The following NEIL2 variants were observed in gnomAD, a reference collection of about 807,000 sequenced individuals.
NEIL2 encodes the protein endonuclease 8-like 2.
Under a neutral mutation model 22.2 loss-of-function variants are expected in NEIL2, and 23 were observed. The observed-to-expected ratio is 1.04, with a 90% CI of 0.75 to 1.47. The LOEUF is 1.47. Among genes scored for constraint, NEIL2 ranks in the 40% most tolerant of loss-of-function variants. NEIL2 has a pLI of 0.00. For synonymous variants in NEIL2, 229 were observed against 164.8 expected (o/e 1.39, Z -2.99); for missense variants, 583 against 404.7 (o/e 1.44, Z -3.78).
At chr8:11,781,438 G>C (rs1393268588) in intron 3 of NEIL2, among the ~76,000 whole-genome samples, 2 of 152,170 alleles carry the variant, frequency 1.3e-5, no homozygotes, top group Non-Finnish European at 2.9e-5. Flanking sequence ...TCCAGAAGAA[G>C]AGCAGATCAT....
Position 11,783,247 on chromosome 8 carries a change from A to T in NEIL2, c.536A>T (p.Asn179Ile), listed in dbSNP as rs1436221872. The change falls in exon 4 of 5, where the codon AAT becomes ATT. Residue 179 changes from asparagine (N) to isoleucine (I), a missense_variant. Coordinates refer to ENST00000284503, the MANE Select transcript of NEIL2 (RefSeq NM_145043.4). ...FGGGGFLAFY[N>I]CQLSWSSSPV... ...GGTGGTGGCTTCCTGGCATTTTATAATTGTCAGTTGTCTTGGAGCTCTTCC... is the reference window on the plus strand; with the variant it reads ...GGTGGTGGCTTCCTGGCATTTTATATTTGTCAGTTGTCTTGGAGCTCTTCC... 5 of 1,614,044 alleles carry T rather than the reference A, an allele frequency of 3.1e-6. No individual in the cohort carries two copies. In the Admixed American group the frequency reaches 5.0e-5, roughly 16 times the overall value.
chr8:11,773,170 G>T (rs766818926), intron 2 of NEIL2, among the ~76,000 whole-genome samples: 1 of 152,136 alleles, frequency 6.6e-6, no homozygotes, highest in Non-Finnish European at 1.5e-5. Context: ...CTTGTCTCTG[G>T]ATCCCCAGCA....
At chr8:11,771,271 G>C (rs996868155) in intron 1 of NEIL2, among the ~76,000 whole-genome samples, 175 bp from the exon 2 acceptor site, 1 of 152,212 alleles carries the variant, frequency 6.6e-6, no homozygotes, top group Non-Finnish European at 1.5e-5. Context: ...CCCTGCCACA[G>C]CTGCTCTTCT....
intron 2 of NEIL2, among the ~76,000 whole-genome samples, chr8:11,774,271 A>G (rs8191560): frequency 0.056 from 8,518 of 152,186 alleles, 334 homozygotes; most frequent in Non-Finnish European, 0.079. Flanking sequence ...GCTACTTGGG[A>G]GGCTGAGGCA....
intron 4 of NEIL2, among the ~76,000 whole-genome samples, chr8:11,785,529 T>C (rs150585964): frequency 6.6e-6 from 1 of 152,200 alleles, no homozygotes; most frequent in Admixed American, 6.5e-5. Flanking sequence ...TATTGAGTAC[T>C]CTACATACCA....
chr8:11,779,500 G>A, intron 2 of NEIL2, 98 bp from the exon 3 acceptor site: 1 of 990,122 alleles, frequency 1.0e-6, no homozygotes, highest in Non-Finnish European at 1.6e-6. Context: ...CCCCCAGGAG[G>A]GGTGAGAAGG....
chr8:11,780,050 C>T (rs1804278096), intron 3 of NEIL2, 100 bp downstream of exon 3: 1 of 1,002,560 alleles, frequency 1.0e-6, no homozygotes, highest in Non-Finnish European at 1.5e-6. Flanking sequence ...TGAGGACGTC[C>T]AGTCTGCCCC....
In NEIL2 at chr8:11,779,951, G is replaced by A; in HGVS notation, c.491+1G>A. ...GGGACTGGAGGGACCCTTCCCCGAG[G>A]TAATGGTGTGGCCATCTGATTTTCG... On this transcript the variant is annotated splice_donor_variant, in intron 3 of 4. Transcript: ENST00000284503. LOFTEE classifies it high-confidence loss of function. 3 of 1,612,500 alleles carry A rather than the reference G, an allele frequency of 1.9e-6. No homozygotes were observed. The highest frequency in any genetic ancestry group is 1.3e-5 in the African/African-American group (1 of 74,968).
chr8:11,781,590 G>T (rs985184064), intron 3 of NEIL2, among the ~76,000 whole-genome samples: 1 of 152,132 alleles, frequency 6.6e-6, no homozygotes, highest in Non-Finnish European at 1.5e-5. Flanking sequence ...TCACCCCTAG[G>T]TTTTCAGATA....
chr8:11,770,639 C>T (rs1028784633), intron 1 of NEIL2, among the ~76,000 whole-genome samples: 2 of 152,206 alleles, frequency 1.3e-5, no homozygotes, highest in African/African-American at 2.4e-5. Flanking sequence ...TATAGAGAGG[C>T]TGGTGCAGGA....
At chr8:11,781,590 G>C (rs985184064) in intron 3 of NEIL2, among the ~76,000 whole-genome samples, 2 of 152,132 alleles carry the variant, frequency 1.3e-5, no homozygotes, top group East Asian at 1.9e-4. Flanking sequence ...TCACCCCTAG[G>C]TTTTCAGATA....
intron 2 of NEIL2, among the ~76,000 whole-genome samples, chr8:11,776,793 C>G (rs8191590): frequency 0.038 from 5,833 of 152,228 alleles, 364 homozygotes; most frequent in African/African-American, 0.13. Context: ...TCTGCTGCAG[C>G]AGGGGTCTCT....
intron 4 of NEIL2, among the ~76,000 whole-genome samples, chr8:11,785,076 T>G (rs1425400968): frequency 6.6e-6 from 1 of 152,226 alleles, no homozygotes; most frequent in East Asian, 1.9e-4. Context: ...CTCACTGTGT[T>G]GCCCAGGCTG....
chr8:11,775,410 AG>A (rs1197438380), intron 2 of NEIL2, among the ~76,000 whole-genome samples: 1 of 152,154 alleles, frequency 6.6e-6, no homozygotes, highest in East Asian at 1.9e-4. Context: ...CACACAGCAG[AG>A]GGGGCCCTGG....
intron 3 of NEIL2, among the ~76,000 whole-genome samples, chr8:11,781,875 C>T (rs1314621598): frequency 6.6e-6 from 1 of 151,824 alleles, no homozygotes; most frequent in Non-Finnish European, 1.5e-5. Flanking sequence ...GCCTGGGCAA[C>T]ATAGTGAAGA....
In NEIL2 at chr8:11,786,565, C is replaced by A; in HGVS notation, c.*292C>A. On this transcript the variant is annotated 3_prime_UTR_variant, in exon 5 of 5. Transcript: ENST00000284503. ...GAAAACTTCCCGGAAGGCAATGGGGCAAGGAAAAAGAAAGCCTATGGGAAA... is the reference window on the plus strand; with the variant it reads ...GAAAACTTCCCGGAAGGCAATGGGGAAAGGAAAAAGAAAGCCTATGGGAAA... 4.4e-6 allele frequency: 2 copies of A among 459,380 alleles called. No homozygotes were observed. Among genetic ancestry groups the A allele is most frequent in the East Asian group, 4.2e-5 (1 of 23,730 alleles). The allele number at this position is 459,380 out of a possible 1,614,324, so 28.5% of individuals were successfully genotyped here. A position where few individuals can be genotyped will look rare whatever the true frequency, so the allele number is the denominator to read the frequency against.
rs1173313522 is a variant in NEIL2, at chr8:11,786,236, A to C, written c.962A>C (p.Gln321Pro). Residue 321 changes from glutamine (Q) to proline (P), a missense_variant, in exon 5 of 5, where the codon CAG becomes CCG. Coordinates refer to ENST00000284503, the MANE Select transcript of NEIL2 (RefSeq NM_145043.4). ...LTWWCPQCQP[Q>P]LSEEPEQCQF... ...TGGTGGTGCCCGCAGTGCCAGCCCC[A>C]GTTGTCAGAGGAGCCAGAGCAGTGC... 6.2e-7 allele frequency: 1 copy of C among 1,612,920 alleles called. No individual in the cohort carries two copies. Among genetic ancestry groups the C allele is most frequent in the Non-Finnish European group, 8.5e-7 (1 of 1,179,988 alleles).
chr8:11,778,309 T>G (rs975065546), intron 2 of NEIL2, among the ~76,000 whole-genome samples: 3 of 119,800 alleles, frequency 2.5e-5, no homozygotes, highest in African/African-American at 9.0e-5. Flanking sequence ...TTTTTTTTTT[T>G]TATGTAGGTC....
intron 4 of NEIL2, among the ~76,000 whole-genome samples, chr8:11,784,068 G>C (rs1585784696): frequency 6.6e-6 from 1 of 152,206 alleles, no homozygotes; most frequent in East Asian, 1.9e-4. Flanking sequence ...GAATAATTGT[G>C]CCCAAAATTG....
Sources: allele counts gnomAD v4.1 joint callset (sites outside exome capture counted in the v4.1 genomes callset), GRCh38; gene constraint gnomAD v4.1.1; transcripts MANE v1.5; gene names NCBI Gene and HGNC (gene_info 2026-07-23, HGNC 2026-07-21).